HHAT: variants seen among roughly 807,000 people sequenced by gnomAD.
HHAT encodes the protein protein-cysteine N-palmitoyltransferase HHAT.
In HHAT, 47 loss-of-function variants were observed where a neutral mutation model predicts 70.8. The ratio of observed to expected loss-of-function variants is 0.66; its 90% confidence interval spans 0.53 to 0.85. The LOEUF is 0.85. Among genes scored for constraint, HHAT ranks in the 40% least tolerant of loss-of-function variants. The pLI is 0.00. For missense variants in HHAT, 609 were observed against 604.8 expected, an observed-to-expected ratio of 1.01 and a Z score of -0.07; for synonymous variants, 228 against 247.6, an observed-to-expected ratio of 0.92 and a Z score of 0.74.
intron 4 of HHAT, among the ~76,000 whole-genome samples, chr1:210,393,936 G>T (rs1171181342): frequency 6.6e-6 from 1 of 152,072 alleles, no homozygotes; most frequent in African/African-American, 2.4e-5. Flanking sequence ...TTCACCACCT[G>T]GACTAAGTGT....
At chr1:210,494,168 ATAG>A (rs1277663493) in intron 8 of HHAT, among the ~76,000 whole-genome samples, 3 of 152,226 alleles carry the variant, frequency 2.0e-5, no homozygotes, top group African/African-American at 7.2e-5. Flanking sequence ...TTTGTAGTCC[ATAG>A]TAAAGACTTG....
chr1:210,362,656 T>G (rs1260600835), intron 2 of HHAT, among the ~76,000 whole-genome samples, 196 bp from the exon 3 acceptor site: 1 of 152,222 alleles, frequency 6.6e-6, no homozygotes, highest in Non-Finnish European at 1.5e-5. Flanking sequence ...CATCAGTGGC[T>G]CTACATATTT....
intron 1 of HHAT, among the ~76,000 whole-genome samples, chr1:210,338,250 G>A (rs2085691894): frequency 1.3e-5 from 2 of 152,136 alleles, no homozygotes; most frequent in Non-Finnish European, 2.9e-5. Context: ...TGAGATGGAA[G>A]GATTGCTTGA....
chr1:210,504,402 C>A (rs1017993208), intron 8 of HHAT, among the ~76,000 whole-genome samples: 1 of 152,192 alleles, frequency 6.6e-6, no homozygotes, highest in African/African-American at 2.4e-5. Flanking sequence ...TCATTGTATC[C>A]ATGCCACAGT....
In HHAT at chr1:210,463,708, T is replaced by G. The variant is rs556761696; in HGVS notation, c.857-797T>G. Among the ~76,000 whole-genome samples the G allele has an allele frequency of 1.0e-3, 153 of 152,290 alleles. 1 individual carries two copies. Among genetic ancestry groups the G allele is most frequent in the Non-Finnish European group, 1.9e-3 (131 of 68,020 alleles). On this transcript the variant is annotated intron_variant, in intron 7 of 11. Coordinates refer to ENST00000261458, the MANE Select transcript of HHAT (RefSeq NM_018194.6). Reference sequence around the variant, plus strand: ...TTGCTGGATCATATGTAACTCTGCTTAATCATTTGGGGAACCACCAGACTG... The same window carrying G: ...TTGCTGGATCATATGTAACTCTGCTGAATCATTTGGGGAACCACCAGACTG...
intron 7 of HHAT, among the ~76,000 whole-genome samples, chr1:210,431,174 G>T (rs1234438986): frequency 6.6e-6 from 1 of 151,802 alleles, no homozygotes; most frequent in Non-Finnish European, 1.5e-5. Flanking sequence ...CCAACGTGGT[G>T]CTGCTTAAAT....
intron 7 of HHAT, among the ~76,000 whole-genome samples, chr1:210,425,831 T>G (rs1031138715): frequency 2.6e-5 from 4 of 152,186 alleles, no homozygotes; most frequent in African/African-American, 4.8e-5. Flanking sequence ...TGGGCTCTTC[T>G]TTGGTTCCAT....
chr1:210,415,647 C>G (rs1399533558), intron 6 of HHAT, among the ~76,000 whole-genome samples: 1 of 151,312 alleles, frequency 6.6e-6, no homozygotes, highest in Admixed American at 6.6e-5. Context: ...AAGGGAAATT[C>G]CTGTTGTACC....
intron 2 of HHAT, among the ~76,000 whole-genome samples, chr1:210,352,628 T>C (rs1294718006): frequency 6.6e-6 from 1 of 152,144 alleles, no homozygotes; most frequent in Non-Finnish European, 1.5e-5. Flanking sequence ...TTCACTGCTG[T>C]CTCTATCAGC....
rs773314924 is a variant in HHAT at position 210,504,537 on chromosome 1, G to A, written c.1008-8616G>A. 2.6e-5 allele frequency among the ~76,000 whole-genome samples: 4 copies of A among 152,186 alleles called. No homozygotes were observed. The South Asian group carries it at 6.2e-4, about 24-fold the overall frequency. ...TCAGTGCATCATGATTTCCACTGCT[G>A]TTGGGGAGATGTCTTCACTCCTGAG... On this transcript the variant is annotated intron_variant, in intron 8 of 11. Coordinates refer to ENST00000261458, the MANE Select transcript of HHAT (RefSeq NM_018194.6).
chr1:210,516,442 G>C (rs971579438), intron 9 of HHAT, among the ~76,000 whole-genome samples: 1 of 152,114 alleles, frequency 6.6e-6, no homozygotes, highest in Admixed American at 6.5e-5. Flanking sequence ...TGATTCCTAG[G>C]GGGAGTGAGT....
intron 11 of HHAT, among the ~76,000 whole-genome samples, chr1:210,673,396 G>T (rs1419140527): frequency 6.6e-6 from 1 of 151,510 alleles, no homozygotes; most frequent in Non-Finnish European, 1.5e-5. Flanking sequence ...GGTGATTTTT[G>T]TGTCTTGTCC....
intron 8 of HHAT, among the ~76,000 whole-genome samples, chr1:210,472,875 A>G (rs1223829559): frequency 6.6e-6 from 1 of 152,192 alleles, no homozygotes; most frequent in Non-Finnish European, 1.5e-5. Context: ...CTGATTAACT[A>G]TTGGGAAAAG....
At chr1:210,522,274 C>T (rs1558082828) in intron 9 of HHAT, among the ~76,000 whole-genome samples, 1 of 152,108 alleles carries the variant, frequency 6.6e-6, no homozygotes, top group Non-Finnish European at 1.5e-5. Flanking sequence ...TATCTTTTAT[C>T]CCTGCCTGAT....
At chr1:210,492,010 G>C (rs2094559654) in intron 8 of HHAT, among the ~76,000 whole-genome samples, 2 of 152,114 alleles carry the variant, frequency 1.3e-5, no homozygotes, top group Non-Finnish European at 2.9e-5. Flanking sequence ...CAATCTGCCT[G>C]CCTCGGCCTC....
At position 210,499,243 on chromosome 1, in the gene HHAT, TC is replaced by T. The variant is rs571094416; in HGVS notation, c.1008-13906del. Among the ~76,000 whole-genome samples the T allele has an allele frequency of 8.3e-3, 1,269 of 152,270 alleles. 12 individuals are homozygous for T. The highest frequency in any genetic ancestry group is 0.014 in the Non-Finnish European group (955 of 68,018). On this transcript the variant is annotated intron_variant, in intron 8 of 11. Coordinates refer to ENST00000261458, the MANE Select transcript of HHAT (RefSeq NM_018194.6). ...TGTCCCTCTGGTCTCTGCTTCCCAT[TC>T]CCCACACCTGCCTATGCTGCATTGT... is the stretch of plus-strand genomic sequence containing the variant.
At chr1:210,523,907 T>C (rs867181231) in intron 9 of HHAT, among the ~76,000 whole-genome samples, 1 of 152,182 alleles carries the variant, frequency 6.6e-6, no homozygotes, top group Non-Finnish European at 1.5e-5. Context: ...TTAGCTCACA[T>C]CCCAGTGAGT....
chr1:210,471,799 A>G (rs2094209878), intron 8 of HHAT, among the ~76,000 whole-genome samples: 1 of 152,262 alleles, frequency 6.6e-6, no homozygotes, highest in Non-Finnish European at 1.5e-5. Context: ...CTGAAAAAGT[A>G]ACTGTTTTCC....
At chr1:210,671,700 G>T (rs1231210308) in intron 11 of HHAT, among the ~76,000 whole-genome samples, 1 of 152,192 alleles carries the variant, frequency 6.6e-6, no homozygotes, top group Non-Finnish European at 1.5e-5. Flanking sequence ...AAGAGTTCCT[G>T]CCAACACCTT....
Sources: gnomAD v4.1 joint callset for allele counts (sites outside exome capture counted in the v4.1 genomes callset) on GRCh38, gnomAD v4.1.1 for gene constraint, MANE v1.5 for transcripts, NCBI Gene and HGNC (gene_info 2026-07-23, HGNC 2026-07-21) for gene names.